Variants in CNNM2 observed in about 807,000 individuals in gnomAD.
The protein encoded by CNNM2 is metal transporter CNNM2.
In CNNM2, 12 loss-of-function variants were observed where a neutral mutation model predicts 66.9. That is an observed-to-expected ratio of 0.18 (90% confidence interval 0.11 to 0.29). The LOEUF (loss-of-function observed/expected upper bound fraction) is 0.29, where lower values mean the gene tolerates loss of function less well. CNNM2 is among the 10% of genes least tolerant of loss of function. CNNM2 has a pLI of 1.00. For missense variants in CNNM2, 705 were observed against 1,167.7 expected, an observed-to-expected ratio of 0.60 and a Z score of 5.77; for synonymous variants, 557 against 501.8, an observed-to-expected ratio of 1.11 and a Z score of -1.47.
intron 1 of CNNM2, among the ~76,000 whole-genome samples, chr10:102,953,619 G>T (rs776757090): frequency 4.0e-5 from 6 of 151,746 alleles, no homozygotes; most frequent in South Asian, 4.2e-4. Context: ...GAGTGCACTG[G>T]CTTGATCTCA....
At chr10:102,963,285 C>G (rs1480136900) in intron 1 of CNNM2, among the ~76,000 whole-genome samples, 1 of 152,188 alleles carries the variant, frequency 6.6e-6, no homozygotes, top group African/African-American at 2.4e-5. Context: ...GACTTCTTCC[C>G]CTTCACCACC....
chr10:103,017,697 G>A (rs1011617282), intron 1 of CNNM2, among the ~76,000 whole-genome samples: 1 of 152,098 alleles, frequency 6.6e-6, no homozygotes, highest in Non-Finnish European at 1.5e-5. Flanking sequence ...TGGGCACAGT[G>A]ACTCACACCT....
intron 1 of CNNM2, among the ~76,000 whole-genome samples, chr10:103,036,127 G>GGACA (rs1322664782): frequency 6.8e-6 from 1 of 146,416 alleles, no homozygotes; most frequent in African/African-American, 2.5e-5. Flanking sequence ...AAAACCAATA[G>GGACA]GACACACACA....
intron 1 of CNNM2, among the ~76,000 whole-genome samples, chr10:103,043,396 TTGTC>T (rs2065076246): frequency 1.3e-5 from 2 of 152,214 alleles, no homozygotes; most frequent in Admixed American, 1.3e-4. Flanking sequence ...GACATCAACA[TTGTC>T]TGATAGCAAA....
chr10:102,996,451 T>C (rs2134249270), intron 1 of CNNM2, among the ~76,000 whole-genome samples: 1 of 152,346 alleles, frequency 6.6e-6, no homozygotes, highest in Non-Finnish European at 1.5e-5. Flanking sequence ...ACGCCTGTAA[T>C]CCCAGCACCT....
intron 1 of CNNM2, among the ~76,000 whole-genome samples, chr10:102,965,453 C>T (rs989862607): frequency 2.6e-5 from 4 of 152,154 alleles, no homozygotes; most frequent in Non-Finnish European, 4.4e-5. Flanking sequence ...TGTCGTTGTG[C>T]GCCTCCTTCC....
At chr10:102,957,254 C>G (rs543023125) in intron 1 of CNNM2, among the ~76,000 whole-genome samples, 3 of 152,154 alleles carry the variant, frequency 2.0e-5, no homozygotes, top group Admixed American at 6.5e-5. Flanking sequence ...TGCAGTGAGC[C>G]GAGATTGCAC....
chr10:102,937,060 T>C (rs1289612448), intron 1 of CNNM2, among the ~76,000 whole-genome samples: 1 of 152,236 alleles, frequency 6.6e-6, no homozygotes, highest in East Asian at 1.9e-4. Context: ...TTAAAGCCCG[T>C]AATGTGTGTG....
chr10:102,941,053 A>G (rs914461488), intron 1 of CNNM2, among the ~76,000 whole-genome samples: 1 of 151,934 alleles, frequency 6.6e-6, no homozygotes, highest in Non-Finnish European at 1.5e-5. Context: ...AGAATGTGTG[A>G]GCCATTGCGC....
At chr10:102,956,452 C>T (rs1847040134) in intron 1 of CNNM2, among the ~76,000 whole-genome samples, 1 of 152,114 alleles carries the variant, frequency 6.6e-6, no homozygotes, top group Admixed American at 6.5e-5. Flanking sequence ...CCGTTTGACC[C>T]AGCAATCCCA....
At chr10:102,932,352 A>AT (rs1271084099) in intron 1 of CNNM2, among the ~76,000 whole-genome samples, 11 of 151,444 alleles carry the variant, frequency 7.3e-5, no homozygotes, top group Non-Finnish European at 1.0e-4. Flanking sequence ...AACCAGCTCT[A>AT]TTTTTTTTCT....
chr10:103,041,077 G>A (rs2065031991), intron 1 of CNNM2, among the ~76,000 whole-genome samples: 1 of 152,174 alleles, frequency 6.6e-6, no homozygotes, highest in Non-Finnish European at 1.5e-5. Flanking sequence ...CCCTACCGAA[G>A]GGGCCACATG....
chr10:102,940,099 A>G (rs1846375523), intron 1 of CNNM2, among the ~76,000 whole-genome samples: 1 of 152,000 alleles, frequency 6.6e-6, no homozygotes, highest in Admixed American at 6.6e-5. Context: ...ACTCTTTTCC[A>G]TTCTGTATCT....
intron 1 of CNNM2, among the ~76,000 whole-genome samples, chr10:102,981,127 C>G (rs147728289): frequency 1.3e-5 from 2 of 152,014 alleles, no homozygotes; most frequent in Non-Finnish European, 2.9e-5. Context: ...AACAGGTGAT[C>G]GCTTGAGTCC....
chr10:103,053,705 G>A (rs936924269), intron 2 of CNNM2, among the ~76,000 whole-genome samples: 9 of 152,126 alleles, frequency 5.9e-5, no homozygotes, highest in African/African-American at 1.9e-4. Flanking sequence ...GGCCCTTTTC[G>A]GAGGAAGTTC....
chr10:102,956,104 G>A (rs578053207), intron 1 of CNNM2, among the ~76,000 whole-genome samples: 26 of 152,136 alleles, frequency 1.7e-4, no homozygotes, highest in African/African-American at 6.0e-4. Flanking sequence ...TGGCTAACAC[G>A]GTGAAACTCC....
At chr10:103,018,177 T>A (rs952995632) in intron 1 of CNNM2, among the ~76,000 whole-genome samples, 1 of 152,024 alleles carries the variant, frequency 6.6e-6, no homozygotes, top group African/African-American at 2.4e-5. Flanking sequence ...TAAGCTGTTG[T>A]AATTCAGGGG....
In CNNM2 at chr10:102,935,158, CAAAAAAAAAAA is replaced by C. The variant is rs71753183; in HGVS notation, c.1621+15071_1621+15081del. 7.2e-4 allele frequency among the ~76,000 whole-genome samples: 59 copies of C among 82,476 alleles called. No individual in the cohort carries two copies. The highest frequency in any genetic ancestry group is 1.9e-3 in the Admixed American group (13 of 7,020). The allele number at this position is 82,476 out of a possible 152,430, so 54.1% of individuals were successfully genotyped here. A position where few individuals can be genotyped will look rare whatever the true frequency, so the allele number is the denominator to read the frequency against. ...TGGGCGACAGAGCGAGACTCCATCTCAAAAAAAAAAAAAAAAAAAAAAAAGACTTTGGGCCA... is the reference window on the plus strand; with the variant it reads ...TGGGCGACAGAGCGAGACTCCATCTCAAAAAAAAAAAAAGACTTTGGGCCA... On this transcript the variant is annotated intron_variant, in intron 1 of 7. Transcript: ENST00000369878.
intron 1 of CNNM2, among the ~76,000 whole-genome samples, chr10:103,012,146 T>C (rs1396191501): frequency 6.6e-6 from 1 of 152,254 alleles, no homozygotes; most frequent in Non-Finnish European, 1.5e-5. Context: ...TTTCATTGTT[T>C]ACACATCATT....
Sources: allele counts gnomAD v4.1 joint callset (sites outside exome capture counted in the v4.1 genomes callset), GRCh38; gene constraint gnomAD v4.1.1; transcripts MANE v1.5; gene names NCBI Gene and HGNC (gene_info 2026-07-23, HGNC 2026-07-21).